The following DMGDH variants were observed in gnomAD, a reference collection of about 807,000 sequenced individuals.
DMGDH encodes dimethylglycine dehydrogenase, mitochondrial.
In DMGDH, 76 loss-of-function variants were observed where a neutral mutation model predicts 95.2. The ratio of observed to expected loss-of-function variants is 0.80; its 90% CI spans 0.66 to 0.97. DMGDH has a LOEUF of 0.97. Ranked by LOEUF, DMGDH falls within the 50% of genes least tolerant of loss-of-function variation. The probability of loss-of-function intolerance (pLI) is 0.00; values close to 1 mark genes in which losing one functional copy is unlikely to be tolerated. For synonymous variants in DMGDH, 345 were observed against 377.6 expected, an observed-to-expected ratio of 0.91 and a Z score of 1.00; for missense variants, 987 against 1,055.0, an observed-to-expected ratio of 0.94 and a Z score of 0.89.
In DMGDH at chr5:79,005,155, C is replaced by T. The variant is rs1392661405; in HGVS notation, c.2385+118G>A. On this transcript the variant is annotated intron_variant, in intron 15 of 15. Transcript: ENST00000255189. The stretch of plus-strand genomic sequence containing the variant: ...TGAATGTCAGCTCAGAAATCAAAAG[C>T]GTGTCATCCCTCCAACAAATAATTA... 2.2e-5 allele frequency: 30 copies of T among 1,356,688 alleles called. 1 individual carries two copies. Among genetic ancestry groups the T allele is most frequent in the African/African-American group, 1.1e-4 (8 of 69,854 alleles). The allele number at this position is 1,356,688 out of a possible 1,614,324, so 84.0% of individuals were successfully genotyped here. A position where few individuals can be genotyped will look rare whatever the true frequency, so the allele number is the denominator to read the frequency against.
intron 2 of DMGDH, among the ~76,000 whole-genome samples, chr5:79,059,563 T>C (rs1755137565): frequency 1.3e-5 from 2 of 152,228 alleles, no homozygotes; most frequent in Admixed American, 1.3e-4. Context: ...AACTCCTCAT[T>C]TAGAAAAAAA....
At chr5:79,012,648 T>C (rs1200974868) in intron 14 of DMGDH, among the ~76,000 whole-genome samples, 1 of 152,248 alleles carries the variant, frequency 6.6e-6, no homozygotes, top group Non-Finnish European at 1.5e-5. Flanking sequence ...TTCTGAAATT[T>C]AGGTGGAGGC....
intron 14 of DMGDH, among the ~76,000 whole-genome samples, chr5:79,006,153 A>C (rs1333242288): frequency 6.6e-6 from 1 of 151,520 alleles, no homozygotes. Context: ...CAATGCAATC[A>C]ATGCAAGGGA....
At chr5:79,006,850 C>CCCCCCG (rs142991064) in intron 14 of DMGDH, among the ~76,000 whole-genome samples, 5,190 of 147,486 alleles carry the variant, frequency 0.035, 354 homozygotes, top group African/African-American at 0.11. Context: ...CTGAGACCCC[C>CCCCCCG]CCAGTCCATT....
chr5:79,016,193 G>A (rs1266513996), intron 14 of DMGDH, among the ~76,000 whole-genome samples: 7 of 150,974 alleles, frequency 4.6e-5, no homozygotes, highest in Admixed American at 1.3e-4. Context: ...AGCCAAGATC[G>A]CGCCACTGCA....
chr5:79,011,433 A>G (rs1280123119), intron 14 of DMGDH, among the ~76,000 whole-genome samples: 1 of 152,204 alleles, frequency 6.6e-6, no homozygotes, highest in Admixed American at 6.5e-5. Context: ...CAATAACCAC[A>G]ATTTCAACAT....
chr5:79,062,192 T>A (rs1755228911), intron 2 of DMGDH, among the ~76,000 whole-genome samples: 1 of 151,948 alleles, frequency 6.6e-6, no homozygotes, highest in Non-Finnish European at 1.5e-5. Context: ...CACCTCCTTC[T>A]TCTCCTCCTC....
chr5:79,068,999 A>G (rs1755463202), intron 1 of DMGDH, among the ~76,000 whole-genome samples: 1 of 152,212 alleles, frequency 6.6e-6, no homozygotes, highest in Admixed American at 6.5e-5. Context: ...ACCGACTCCC[A>G]TATGTACTCA....
In DMGDH at chr5:79,051,454, A is replaced by G. The variant is rs750220903; in HGVS notation, c.578T>C (p.Ile193Thr). Residue 193 changes from isoleucine (I) to threonine (T), a missense_variant, in exon 5 of 16, where the codon ATT becomes ACT. Ile to Thr is a moderately conservative substitution (Grantham distance 89, BLOSUM62 -1). Coordinates refer to ENST00000255189, the MANE Select transcript of DMGDH (RefSeq NM_013391.3). Reference sequence around the variant, plus strand: ...TGCCATAGTTAGAGAATAAGGATCAATGTGACCATCTCCAGGATTATACAA... The same window carrying G: ...TGCCATAGTTAGAGAATAAGGATCAGTGTGACCATCTCCAGGATTATACAA... ...AGLYNPGDGH[I>T]DPYSLTMALA... 4.3e-6 allele frequency: 7 copies of G among 1,614,062 alleles called. No homozygotes were observed. In the South Asian group the frequency reaches 6.6e-5, roughly 15 times the overall value.
intron 12 of DMGDH, 81 bp downstream of exon 12, chr5:79,028,352 G>A: frequency 1.6e-6 from 2 of 1,218,886 alleles, no homozygotes; most frequent in Non-Finnish European, 2.4e-6. Context: ...CTTGTGACAT[G>A]ACCTTTTAAT....
At chr5:79,013,115 T>C (rs898614265) in intron 14 of DMGDH, among the ~76,000 whole-genome samples, 1 of 152,176 alleles carries the variant, frequency 6.6e-6, no homozygotes. Context: ...AAGTTCCAAC[T>C]TCAGGTCATT....
chr5:79,005,315 A>G lies in DMGDH; in HGVS notation c.2343T>C (p.Asp781=). Residue 781 remains aspartate, a synonymous_variant, in exon 15 of 16, where the codon GAT becomes GAC. Coordinates refer to ENST00000255189, the MANE Select transcript of DMGDH (RefSeq NM_013391.3). ...TGCTTTCATTTCCCTCTGGATCAAC[A>G]TCATCCGTTGCCAAGGTGAGGCAGA... The part of the protein sequence containing the change: ...RLVCLTLATD[D]VDPEGNESIW... 1 of 1,613,810 alleles carries G rather than the reference A, an allele frequency of 6.2e-7. No individual in the cohort carries two copies. Among genetic ancestry groups the G allele is most frequent in the South Asian group, 1.1e-5 (1 of 90,940 alleles).
intron 2 of DMGDH, among the ~76,000 whole-genome samples, chr5:79,061,203 A>G (rs998890530): frequency 6.7e-6 from 1 of 148,800 alleles, no homozygotes; most frequent in Non-Finnish European, 1.5e-5. Flanking sequence ...TGGGTGACAG[A>G]GTGAAACTCT....
At chr5:79,051,011 T>G (rs1020801529) in intron 5 of DMGDH, among the ~76,000 whole-genome samples, 1 of 151,824 alleles carries the variant, frequency 6.6e-6, no homozygotes, top group African/African-American at 2.4e-5. Flanking sequence ...GAAGGAAAAA[T>G]AAACATAATT....
chr5:79,013,348 T>C (rs1753677629), intron 14 of DMGDH, among the ~76,000 whole-genome samples: 1 of 152,242 alleles, frequency 6.6e-6, no homozygotes, highest in Non-Finnish European at 1.5e-5. Context: ...CATTTCCATC[T>C]GAGACCTCCT....
intron 1 of DMGDH, among the ~76,000 whole-genome samples, chr5:79,068,683 T>C (rs569886944): frequency 6.6e-6 from 1 of 152,262 alleles, no homozygotes; most frequent in Non-Finnish European, 1.5e-5. Context: ...TGAGTGATGC[T>C]GATAAACAAG....
At position 79,029,970 on chromosome 5, in the gene DMGDH, ACAGT is replaced by A. The variant is rs1486260140; in HGVS notation, c.1744_1747del (p.Thr582PhefsTer11). 6.2e-7 allele frequency: 1 copy of A among 1,614,094 alleles called. No individual in the cohort carries two copies. The highest frequency in any genetic ancestry group is 1.1e-5 in the South Asian group (1 of 91,078). ...AAACTCCCCAGGAGATTGGTGAGAA[ACAGT>A]CAGCTCAGCATACACTCGACCCTTG... On this transcript the variant is annotated frameshift_variant, in exon 11 of 16. Transcript: ENST00000255189. LOFTEE classifies it high-confidence loss of function.
At chr5:79,008,423 G>A (rs1371238453) in intron 14 of DMGDH, among the ~76,000 whole-genome samples, 1 of 152,202 alleles carries the variant, frequency 6.6e-6, no homozygotes, top group Admixed American at 6.5e-5. Context: ...CATTAACTCA[G>A]TCAAAGACAG....
At chr5:79,066,259 C>T (rs375592114) in intron 1 of DMGDH, among the ~76,000 whole-genome samples, 1 of 152,076 alleles carries the variant, frequency 6.6e-6, no homozygotes, top group East Asian at 1.9e-4. Context: ...ATGACCTTCA[C>T]ATTTTCGAAG....
Sources: allele counts gnomAD v4.1 joint callset (sites outside exome capture counted in the v4.1 genomes callset), GRCh38; gene constraint gnomAD v4.1.1; transcripts MANE v1.5; gene names NCBI Gene and HGNC (gene_info 2026-07-23, HGNC 2026-07-21).